CLASP1: variants seen among roughly 807,000 people sequenced by gnomAD.
CLASP1 encodes the protein cytoplasmic linker associated protein 1.
In CLASP1, 38 loss-of-function variants were observed where a neutral mutation model predicts 192.3. The ratio of observed to expected loss-of-function variants is 0.20; its 90% CI spans 0.15 to 0.26. The LOEUF (loss-of-function observed/expected upper bound fraction) is 0.26. Ranked by LOEUF, CLASP1 falls within the 10% of genes least tolerant of loss-of-function variation. CLASP1 has a pLI of 1.00. For missense variants in CLASP1, 1,433 were observed against 1,932.5 expected, an observed-to-expected ratio of 0.74 and a Z score of 4.85; for synonymous variants, 691 against 712.8, an observed-to-expected ratio of 0.97 and a Z score of 0.49.
chr2:121,413,895 C>T (rs1183095225), intron 23 of CLASP1, among the ~76,000 whole-genome samples: 1 of 152,032 alleles, frequency 6.6e-6, no homozygotes, highest in Non-Finnish European at 1.5e-5. Flanking sequence ...GGAATTACTT[C>T]CCTGTTGTTT....
At chr2:121,633,007 C>CATATATATATATATATATATATATATAT (rs71398038) in intron 1 of CLASP1, among the ~76,000 whole-genome samples, 12 of 115,546 alleles carry the variant, frequency 1.0e-4, no homozygotes, top group African/African-American at 2.6e-4. Flanking sequence ...TATGTGTGTG[C>CATATATATATATATATATATATATATAT]ATATATATAT....
intron 11 of CLASP1, among the ~76,000 whole-genome samples, chr2:121,460,874 G>T (rs1249989969): frequency 6.6e-6 from 1 of 152,106 alleles, no homozygotes; most frequent in Non-Finnish European, 1.5e-5. Context: ...CCACAGTCAG[G>T]TCTTTGTTAA....
chr2:121,372,290 C>T lies in CLASP1; in HGVS notation c.3643-4459G>A, dbSNP rs1223022633. Among the ~76,000 whole-genome samples the T allele has an allele frequency of 6.6e-5, 10 of 152,304 alleles. No homozygotes were observed. The East Asian group carries it at 1.7e-3, about 26-fold the overall frequency. The stretch of plus-strand genomic sequence containing the variant: ...GTCTCCCTTATCTTCTATGCCACCA[C>T]CCTCTCCTGGTCTCCCTCCTGTCAG... On this transcript the variant is annotated intron_variant, in intron 34 of 39. Coordinates refer to ENST00000263710, the Ensembl canonical transcript of CLASP1.
chr2:121,399,439 T>C (rs1379970703), intron 28 of CLASP1, among the ~76,000 whole-genome samples: 1 of 152,164 alleles, frequency 6.6e-6, no homozygotes, highest in Admixed American at 6.5e-5. Flanking sequence ...ATGGGGTGGA[T>C]GGAGAATACA....
intron 8 of CLASP1, among the ~76,000 whole-genome samples, chr2:121,478,790 ACAC>A (rs1209915976): frequency 4.4e-4 from 22 of 50,210 alleles, no homozygotes; most frequent in African/African-American, 1.7e-3. Context: ...CACCCCACAC[ACAC>A]CACACACCAC....
intron 1 of CLASP1, among the ~76,000 whole-genome samples, chr2:121,640,124 A>G (rs2071746561): frequency 6.6e-6 from 1 of 152,128 alleles, no homozygotes. Context: ...GCAAGGACAA[A>G]AAACCAAACA....
chr2:121,627,387 G>A (rs1040211741), intron 1 of CLASP1, among the ~76,000 whole-genome samples: 2 of 152,176 alleles, frequency 1.3e-5, no homozygotes, highest in African/African-American at 2.4e-5. Context: ...AATGTACCAG[G>A]CAATCTGCCA....
chr2:121,582,374 AC>A (rs2105593069), intron 2 of CLASP1, among the ~76,000 whole-genome samples: 4 of 149,542 alleles, frequency 2.7e-5, no homozygotes, highest in African/African-American at 9.9e-5. Context: ...AAAGACAAAG[AC>A]AGAAAGATGG....
At chr2:121,558,522 T>C (rs571630363) in intron 2 of CLASP1, among the ~76,000 whole-genome samples, 1 of 152,106 alleles carries the variant, frequency 6.6e-6, no homozygotes, top group East Asian at 1.9e-4. Context: ...ATCACGGGAG[T>C]GGAACTAGTG....
In CLASP1 at chr2:121,475,416, A is replaced by G. The variant is rs570986482; in HGVS notation, c.713-5456T>C. Among the ~76,000 whole-genome samples, 7 of 152,352 alleles carry G rather than the reference A, an allele frequency of 4.6e-5. No individual in the cohort carries two copies. In the South Asian group the frequency reaches 1.5e-3, roughly 32 times the overall value. ...ATCAGAAAGGTACCTAGTTTCAGTT[A>G]ACTGGGAAATTCCACTATGTGGAAT... On this transcript the variant is annotated intron_variant, in intron 8 of 39. Coordinates refer to ENST00000263710, the Ensembl canonical transcript of CLASP1.
At chr2:121,367,976 T>C (rs1573890689) in intron 34 of CLASP1, 145 bp from the exon 36 acceptor site, 1 of 1,042,272 alleles carries the variant, frequency 9.6e-7, no homozygotes. Flanking sequence ...TACTGCAATG[T>C]AAAAATACCA....
In CLASP1 at chr2:121,531,008, A is replaced by C. The variant is rs893429850; in HGVS notation, c.196-683T>G. On this transcript the variant is annotated intron_variant, in intron 2 of 39. Transcript: ENST00000263710. ...TTATTTTGGTGCAATTTTTGGAAAA[A>C]TGAAAACCTGTTTTCATAGACTTAT... The C allele has an allele frequency of 5.7e-6, 4 of 700,114 alleles. No individual in the cohort carries two copies. The highest frequency in any genetic ancestry group is 1.0e-5 in the Non-Finnish European group (4 of 384,746). The allele number at this position is 700,114 out of a possible 1,614,324, so 43.4% of individuals were successfully genotyped here.
chr2:121,372,052 C>T (rs1405358849), intron 34 of CLASP1, among the ~76,000 whole-genome samples: 8 of 152,198 alleles, frequency 5.3e-5, no homozygotes, highest in Admixed American at 5.2e-4. Flanking sequence ...AGAAGAAAAA[C>T]ATGGAAATCC....
Position 121,543,037 on chromosome 2 carries a change from C to T in CLASP1, c.196-12712G>A, listed in dbSNP as rs1286034396. On this transcript the variant is annotated intron_variant, in intron 2 of 39. Coordinates refer to ENST00000263710, the Ensembl canonical transcript of CLASP1. ...TAGCCGCATATGGTTACTGAGCAAA[C>T]GAAAGGTAGCTAGTGCAAATGCAGA... 1.3e-5 allele frequency among the ~76,000 whole-genome samples: 2 copies of T among 152,186 alleles called. 1 individual carries two copies. The highest frequency in any genetic ancestry group is 6.3e-3 in the Middle Eastern group (2 of 316).
intron 8 of CLASP1, among the ~76,000 whole-genome samples, chr2:121,501,099 G>A (rs1209538557): frequency 6.6e-6 from 1 of 152,160 alleles, no homozygotes; most frequent in African/African-American, 2.4e-5. Context: ...AAGATCTCCA[G>A]TGTGGATGCA....
chr2:121,417,173 C>T (rs1437530288), intron 23 of CLASP1, among the ~76,000 whole-genome samples: 4 of 152,116 alleles, frequency 2.6e-5, no homozygotes, highest in African/African-American at 9.7e-5. Flanking sequence ...ATGTACAAAA[C>T]AGACCAGATT....
rs115947193 is a variant in CLASP1, at chr2:121,418,082, G to A, written c.2320+540C>T. Among the ~76,000 whole-genome samples, 642 of 152,290 alleles carry A rather than the reference G, an allele frequency of 4.2e-3. 3 individuals carry two copies. Among genetic ancestry groups the A allele is most frequent in the African/African-American group, 0.015 (619 of 41,560 alleles). ...TGTTGACAGATGTCTTTTGGGGATC[G>A]ACAGTTTATACTAACTAAAAAGGGT... On this transcript the variant is annotated intron_variant, in intron 23 of 39. Transcript: ENST00000263710.
chr2:121,379,179 C>A (rs1227401398), intron 33 of CLASP1, among the ~76,000 whole-genome samples: 1 of 151,242 alleles, frequency 6.6e-6, no homozygotes. Flanking sequence ...CAGATAAAAC[C>A]CACCTTTCCT....
At chr2:121,513,248 G>A (rs992239522) in intron 7 of CLASP1, among the ~76,000 whole-genome samples, 1 of 152,182 alleles carries the variant, frequency 6.6e-6, no homozygotes, top group Non-Finnish European at 1.5e-5. Context: ...GAACAGCATA[G>A]TTCTCCAAGC....
Sources: allele counts gnomAD v4.1 joint callset (sites outside exome capture counted in the v4.1 genomes callset), GRCh38; gene constraint gnomAD v4.1.1; transcripts MANE v1.5; gene names NCBI Gene and HGNC (gene_info 2026-07-23, HGNC 2026-07-21).